The following CAST variants were observed in gnomAD, a reference collection of about 807,000 sequenced individuals.
CAST encodes the protein MIR583 host.
CAST carries 76 observed loss-of-function variants against 119.6 expected under a neutral mutation model. The ratio of observed to expected loss-of-function variants is 0.64; its 90% CI spans 0.53 to 0.77. The LOEUF is 0.77. Among genes scored for constraint, CAST ranks in the 30% least tolerant of loss-of-function variants. The pLI is 0.00. For synonymous variants in CAST, 319 were observed against 331.6 expected (o/e 0.96, Z 0.41); for missense variants, 953 against 946.5 (o/e 1.01, Z -0.09).
the CAST span, among the ~76,000 whole-genome samples, chr5:96,447,485 C>T: frequency 6.6e-6 from 1 of 152,332 alleles, no homozygotes; most frequent in African/African-American, 2.4e-5. Context: ...CACCCATCCA[C>T]ACACTCACAC....
rs141554337 is a variant in CAST, at chr5:96,615,500, T to A, written c.61-60039T>A. On this transcript the variant is annotated intron_variant, in intron 1 of 11. Transcript: ENST00000505143. ...TCAGATTGCTTTGCTAATGTGCCAA[T>A]GGCAACAGGGAGAATGAAACAGACA... is the stretch of plus-strand genomic sequence containing the variant. 8.5e-5 allele frequency among the ~76,000 whole-genome samples: 13 copies of A among 152,310 alleles called. No homozygotes were observed. In the East Asian group the frequency reaches 2.5e-3, roughly 29 times the overall value.
the CAST span, among the ~76,000 whole-genome samples, chr5:96,325,098 G>A: frequency 6.6e-6 from 1 of 152,130 alleles, no homozygotes; most frequent in East Asian, 1.9e-4. Context: ...TCAGTTACCT[G>A]AGAAGCTGAG....
the CAST span, among the ~76,000 whole-genome samples, chr5:96,026,393 T>C: frequency 6.6e-6 from 1 of 152,198 alleles, no homozygotes; most frequent in Non-Finnish European, 1.5e-5. Flanking sequence ...AAACAGAGAC[T>C]CTGGGCCCTC....
At chr5:96,725,224 A>G (rs1043864511) in intron 4 of CAST, among the ~76,000 whole-genome samples, 2 of 152,218 alleles carry the variant, frequency 1.3e-5, no homozygotes, top group African/African-American at 4.8e-5. Flanking sequence ...CTGGTTCCAT[A>G]TCAGCTGTGA....
At chr5:95,973,731 T>A in the CAST span, among the ~76,000 whole-genome samples, 1 of 152,200 alleles carries the variant, frequency 6.6e-6, no homozygotes, top group African/African-American at 2.4e-5. Context: ...TTATTGTAGC[T>A]TTATAGTATA....
At chr5:96,631,473 TG>T (rs1241763573) in intron 1 of CAST, among the ~76,000 whole-genome samples, 2 of 141,150 alleles carry the variant, frequency 1.4e-5, no homozygotes, top group Non-Finnish European at 3.2e-5. Context: ...TCCCATTGTA[TG>T]GATTTCATTT....
At chr5:96,092,269 A>G in the CAST span, among the ~76,000 whole-genome samples, 1 of 152,190 alleles carries the variant, frequency 6.6e-6, no homozygotes, top group Non-Finnish European at 1.5e-5. Flanking sequence ...TTTCAAAGCG[A>G]TGCTCTTATC....
chr5:96,536,046 T>C (rs1022102095), intron 1 of CAST, among the ~76,000 whole-genome samples: 3 of 149,050 alleles, frequency 2.0e-5, no homozygotes, highest in Admixed American at 2.0e-4. Flanking sequence ...TTTTTTTTTT[T>C]TTTTTTTTTT....
the CAST span, among the ~76,000 whole-genome samples, chr5:96,385,769 C>T: frequency 1.3e-5 from 2 of 152,148 alleles, no homozygotes; most frequent in African/African-American, 4.8e-5. Context: ...AATGCTATTG[C>T]CTTGCAAATT....
the CAST span, chr5:96,399,841 A>T: frequency 1.5e-4 from 119 of 804,586 alleles, 1 homozygote; most frequent in Non-Finnish European, 2.1e-5. Flanking sequence ...AGAAAATTCC[A>T]CCTCCATCTA....
upstream of CAST, among the ~76,000 whole-genome samples, chr5:96,529,564 T>C (rs1412741727): frequency 6.6e-6 from 1 of 152,178 alleles, no homozygotes. Flanking sequence ...TAAATAAGCT[T>C]TTTGAGATTT....
chr5:96,348,662 G>A, the CAST span, among the ~76,000 whole-genome samples: 3 of 152,100 alleles, frequency 2.0e-5, no homozygotes, highest in Admixed American at 2.0e-4. Flanking sequence ...AAAGTAAGAG[G>A]ATTGAGGATG....
chr5:96,613,680 A>G (rs1299591617), intron 1 of CAST, among the ~76,000 whole-genome samples: 1 of 152,198 alleles, frequency 6.6e-6, no homozygotes. Flanking sequence ...AAATGAAACA[A>G]CTTAAGGGTA....
chr5:96,525,831 G>GT (rs1403430555), upstream of CAST, among the ~76,000 whole-genome samples: 1 of 152,216 alleles, frequency 6.6e-6, no homozygotes, highest in Non-Finnish European at 1.5e-5. Context: ...GCGTGCTGAG[G>GT]TTGTCTTCCA....
intron 9 of CAST, among the ~76,000 whole-genome samples, chr5:96,731,873 G>A (rs1173692344): frequency 6.6e-6 from 1 of 152,088 alleles, no homozygotes; most frequent in Admixed American, 6.5e-5. Context: ...TGGTGTATAT[G>A]TGCCACATTT....
intron 13 of CAST, chr5:96,741,029 T>C (rs972778896): frequency 3.4e-6 from 2 of 594,484 alleles, no homozygotes; most frequent in African/African-American, 3.7e-5. Context: ...ATATTATGCA[T>C]GTTCATAATA....
the CAST span, among the ~76,000 whole-genome samples, chr5:96,497,477 A>G: frequency 0.88 from 130,098 of 147,682 alleles, 57,966 homozygotes; most frequent in Middle Eastern, 0.97. Context: ...AGTCCCACCA[A>G]CAGTGTAAAA....
upstream of CAST, among the ~76,000 whole-genome samples, chr5:96,659,678 G>A (rs193223351): frequency 1.2e-4 from 18 of 152,140 alleles, no homozygotes; most frequent in East Asian, 2.7e-3. Flanking sequence ...ACAGGTGCGC[G>A]CCACCATGCC....
At chr5:96,403,249 GA>G in the CAST span, among the ~76,000 whole-genome samples, 1 of 152,086 alleles carries the variant, frequency 6.6e-6, no homozygotes, top group Non-Finnish European at 1.5e-5. Context: ...CATGCAATTA[GA>G]AAAACCTATT....
Sources: gnomAD v4.1 joint callset for allele counts (sites outside exome capture counted in the v4.1 genomes callset) on GRCh38, gnomAD v4.1.1 for gene constraint, MANE v1.5 for transcripts, NCBI Gene and HGNC (gene_info 2026-07-23, HGNC 2026-07-21) for gene names.